Variants in GFRA1 observed in about 807,000 individuals in gnomAD.
GFRA1 encodes GDNF family receptor alpha 1, also known as GDNF family receptor alpha-1.
GFRA1 carries 16 observed loss-of-function variants against 51.6 expected under a neutral mutation model. The ratio of observed to expected loss-of-function variants is 0.31; its 90% confidence interval spans 0.21 to 0.47. The LOEUF (loss-of-function observed/expected upper bound fraction) is 0.47, where lower values mean the gene tolerates loss of function less well. Among genes scored for constraint, GFRA1 ranks in the 20% least tolerant of loss-of-function variants. GFRA1 has a pLI of 1.00. For synonymous variants in GFRA1, 270 were observed against 241.3 expected (o/e 1.12, Z -1.10); for missense variants, 530 against 594.3 (o/e 0.89, Z 1.13).
chr10:116,225,636 C>T (rs1322435030), intron 4 of GFRA1, among the ~76,000 whole-genome samples: 2 of 148,462 alleles, frequency 1.3e-5, no homozygotes, highest in African/African-American at 5.0e-5. Flanking sequence ...ATTGTCCAGG[C>T]TGGAATGCAG....
At chr10:116,174,831 T>A (rs180738050) in intron 5 of GFRA1, among the ~76,000 whole-genome samples, 1 of 152,334 alleles carries the variant, frequency 6.6e-6, no homozygotes, top group Non-Finnish European at 1.5e-5. Context: ...AAAACATGAT[T>A]TTTCTCTCTC....
chr10:116,104,761 G>T (rs1956946331), intron 6 of GFRA1, among the ~76,000 whole-genome samples: 2 of 152,206 alleles, frequency 1.3e-5, no homozygotes, highest in South Asian at 4.1e-4. Context: ...TGACAGAGCA[G>T]TTGACAGGGC....
chr10:116,079,639 G>A (rs897071948), intron 9 of GFRA1, among the ~76,000 whole-genome samples: 2 of 152,132 alleles, frequency 1.3e-5, no homozygotes, highest in African/African-American at 4.8e-5. Context: ...CCGGACGGTA[G>A]AGGCCAGGGA....
intron 6 of GFRA1, among the ~76,000 whole-genome samples, chr10:116,121,429 G>A (rs1306634619): frequency 6.6e-6 from 1 of 152,196 alleles, no homozygotes; most frequent in African/African-American, 2.4e-5. Context: ...AAGGGGAAAG[G>A]AATCTGTCAG....
intron 5 of GFRA1, among the ~76,000 whole-genome samples, chr10:116,203,112 A>C (rs1303573537): frequency 6.6e-6 from 1 of 152,128 alleles, no homozygotes; most frequent in African/African-American, 2.4e-5. Context: ...CCTAGAAGAA[A>C]GCCACTCGTC....
chr10:116,211,615 G>C lies in GFRA1; in HGVS notation c.433+16C>G. On this transcript the variant is annotated intron_variant, in intron 5 of 10. Coordinates refer to ENST00000355422, the MANE Select transcript of GFRA1 (RefSeq NM_005264.8). ...GCACAGCCAGTGAAAAAGCAGGCAG[G>C]AAACAGTGAACTTACCTTGCTGAAA... 6.5e-7 allele frequency: 1 copy of C among 1,549,474 alleles called. No individual in the cohort carries two copies. Among genetic ancestry groups the C allele is most frequent in the Non-Finnish European group, 8.7e-7 (1 of 1,145,094 alleles).
intron 5 of GFRA1, among the ~76,000 whole-genome samples, chr10:116,143,007 G>A (rs923613195): frequency 2.0e-5 from 3 of 152,132 alleles, no homozygotes; most frequent in African/African-American, 4.8e-5. Flanking sequence ...CCACTCTGAC[G>A]GGCCAGTATT....
At chr10:116,157,005 C>G (rs1211023380) in intron 5 of GFRA1, among the ~76,000 whole-genome samples, 4 of 152,222 alleles carry the variant, frequency 2.6e-5, no homozygotes, top group African/African-American at 9.7e-5. Flanking sequence ...AGCAACAGAG[C>G]TGTCTTCAAA....
chr10:116,193,140 G>C (rs1963419688), intron 5 of GFRA1, among the ~76,000 whole-genome samples: 1 of 152,094 alleles, frequency 6.6e-6, no homozygotes, highest in South Asian at 2.1e-4. Flanking sequence ...GGAGCCTCAA[G>C]ATTACAAAAT....
chr10:116,114,001 C>T (rs117121466), intron 6 of GFRA1, among the ~76,000 whole-genome samples: 17 of 152,278 alleles, frequency 1.1e-4, no homozygotes, highest in Non-Finnish European at 1.5e-4. Flanking sequence ...TCCTATATGA[C>T]GAGCAACTCT....
At chr10:116,236,828 T>C (rs1005802061) in intron 4 of GFRA1, among the ~76,000 whole-genome samples, 1 of 152,210 alleles carries the variant, frequency 6.6e-6, no homozygotes, top group Non-Finnish European at 1.5e-5. Context: ...TGTGATTATC[T>C]GTCTTCTCCA....
intron 6 of GFRA1, 120 bp from the exon 7 acceptor site, chr10:116,096,884 C>T (rs988337775): frequency 6.3e-6 from 4 of 630,710 alleles, no homozygotes; most frequent in Non-Finnish European, 8.6e-6. Context: ...CGCACACGCA[C>T]ACACACACAC....
chr10:116,094,157 C>G (rs1028701716), intron 7 of GFRA1, among the ~76,000 whole-genome samples: 1 of 152,144 alleles, frequency 6.6e-6, no homozygotes, highest in East Asian at 1.9e-4. Context: ...AAATCCCTTG[C>G]ATTTTCTTGA....
intron 5 of GFRA1, among the ~76,000 whole-genome samples, chr10:116,189,415 T>G (rs1467791394): frequency 3.9e-5 from 6 of 152,178 alleles, no homozygotes; most frequent in African/African-American, 1.4e-4. Context: ...GTATGTTTCT[T>G]TTCCCAAATG....
intron 5 of GFRA1, among the ~76,000 whole-genome samples, chr10:116,153,394 AAGTG>A (rs1292830289): frequency 6.6e-6 from 1 of 152,344 alleles, no homozygotes; most frequent in East Asian, 1.9e-4. Context: ...TACATGTGAA[AAGTG>A]ATCAATCTCC....
chr10:116,122,899 GA>G (rs1166055910), intron 6 of GFRA1, among the ~76,000 whole-genome samples: 1 of 152,176 alleles, frequency 6.6e-6, no homozygotes, highest in Non-Finnish European at 1.5e-5. Flanking sequence ...CAGTGGACAA[GA>G]TCACATCTTA....
At chr10:116,111,749 G>A (rs577471767) in intron 6 of GFRA1, among the ~76,000 whole-genome samples, 1 of 152,342 alleles carries the variant, frequency 6.6e-6, no homozygotes, top group East Asian at 1.9e-4. Flanking sequence ...CACTGGGAAT[G>A]CTTTAGAAAT....
At chr10:116,230,011 A>G (rs2134556956) in intron 4 of GFRA1, among the ~76,000 whole-genome samples, 1 of 152,226 alleles carries the variant, frequency 6.6e-6, no homozygotes, top group African/African-American at 2.4e-5. Context: ...CTTTGATTCA[A>G]GCTTCCCAAA....
chr10:116,107,240 A>T (rs1471863714), intron 6 of GFRA1, among the ~76,000 whole-genome samples: 3 of 152,116 alleles, frequency 2.0e-5, no homozygotes, highest in African/African-American at 2.4e-5. Flanking sequence ...TCTATTCCTG[A>T]TTCCTAGAGG....
Sources: allele counts gnomAD v4.1 joint callset (sites outside exome capture counted in the v4.1 genomes callset), GRCh38; gene constraint gnomAD v4.1.1; transcripts MANE v1.5; gene names NCBI Gene and HGNC (gene_info 2026-07-23, HGNC 2026-07-21).